UBA2: variants seen among roughly 807,000 people sequenced by gnomAD.
UBA2 encodes the protein ubiquitin like modifier activating enzyme 2, also known as SUMO-activating enzyme subunit 2.
A neutral mutation model predicts 77.2 loss-of-function variants in UBA2; 11 were observed. That is an observed-to-expected ratio of 0.14 (90% CI 0.09 to 0.24). The LOEUF (loss-of-function observed/expected upper bound fraction) is 0.24. Ranked by LOEUF, UBA2 falls within the 10% of genes least tolerant of loss-of-function variation. UBA2 has a pLI of 1.00. For synonymous variants in UBA2, 278 were observed against 276.7 expected (o/e 1.00, Z -0.05); for missense variants, 487 against 781.7 (o/e 0.62, Z 4.50).
At position 34,438,550 on chromosome 19, in the gene UBA2, A is replaced by G. The variant is rs905160342; in HGVS notation, c.460-95A>G. On this transcript the variant is annotated intron_variant, in intron 5 of 16. Coordinates refer to ENST00000246548, the MANE Select transcript of UBA2 (RefSeq NM_005499.3). Reference sequence around the variant, plus strand: ...AAATTTCCTTGACAACGTAAAACGTAGTTGGAATATAGATGAATGAAGTGT... The same window carrying G: ...AAATTTCCTTGACAACGTAAAACGTGGTTGGAATATAGATGAATGAAGTGT... 8 of 1,439,194 alleles carry G rather than the reference A, an allele frequency of 5.6e-6. No homozygotes were observed. In the African/African-American group the frequency reaches 1.0e-4, roughly 18 times the overall value. The allele number at this position is 1,439,194 out of a possible 1,614,324, so 89.2% of individuals were successfully genotyped here.
intron 12 of UBA2, among the ~76,000 whole-genome samples, chr19:34,456,640 C>T (rs1392070513): frequency 3.3e-5 from 5 of 151,976 alleles, no homozygotes; most frequent in African/African-American, 4.8e-5. Flanking sequence ...TCACTGCAAC[C>T]TCCACCTCCC....
intron 1 of UBA2, chr19:34,429,268 G>A (rs899565015): frequency 2.3e-5 from 23 of 984,734 alleles, no homozygotes; most frequent in Non-Finnish European, 2.5e-5. Flanking sequence ...TGTGCCTTTT[G>A]CATTGGTGTA....
intron 2 of UBA2, among the ~76,000 whole-genome samples, chr19:34,431,013 T>A (rs562210687): frequency 5.9e-5 from 9 of 152,246 alleles, no homozygotes; most frequent in Admixed American, 6.5e-5. Flanking sequence ...ACAAGACAGT[T>A]CCCCCGATCT....
intron 8 of UBA2, among the ~76,000 whole-genome samples, 164 bp downstream of exon 8, chr19:34,445,285 G>A (rs775070397): frequency 1.5e-4 from 23 of 151,914 alleles, no homozygotes; most frequent in Non-Finnish European, 2.8e-4. Flanking sequence ...GGATATGCAA[G>A]TTTTAAAATG....
chr19:34,449,447 A>G (rs1292328068), intron 8 of UBA2, among the ~76,000 whole-genome samples: 1 of 152,130 alleles, frequency 6.6e-6, no homozygotes, highest in Non-Finnish European at 1.5e-5. Flanking sequence ...TTCTCTATAA[A>G]GATTAAGGAT....
At chr19:34,464,448 C>T (rs1307122152) in intron 15 of UBA2, among the ~76,000 whole-genome samples, 2 of 151,758 alleles carry the variant, frequency 1.3e-5, no homozygotes, top group Non-Finnish European at 2.9e-5. Context: ...GTCCCAGCTA[C>T]TTGGGAGGCT....
At chr19:34,451,618 G>C (rs1264751137) in intron 9 of UBA2, among the ~76,000 whole-genome samples, 1 of 136,654 alleles carries the variant, frequency 7.3e-6, no homozygotes, top group Non-Finnish European at 1.5e-5. Flanking sequence ...CGCGATCTTG[G>C]CTCACTGCAA....
chr19:34,432,048 G>A, intron 3 of UBA2, 117 bp downstream of exon 3: 1 of 720,998 alleles, frequency 1.4e-6, no homozygotes, highest in Non-Finnish European at 2.2e-6. Flanking sequence ...ATTAAACAGT[G>A]GTGGTTTCTG....
intron 2 of UBA2, among the ~76,000 whole-genome samples, chr19:34,431,203 T>TCATAACAA (rs1343138186): frequency 6.7e-6 from 1 of 150,244 alleles, no homozygotes; most frequent in African/African-American, 2.4e-5. Context: ...GGTTTTTCTC[T>TCATAACAA]CATAACAACC....
At chr19:34,435,116 G>A in intron 5 of UBA2, 148 bp downstream of exon 5, 1 of 604,548 alleles carries the variant, frequency 1.7e-6, no homozygotes, top group Non-Finnish European at 2.8e-6. Flanking sequence ...TAAAATGCGG[G>A]GCCAGGTGCA....
intron 3 of UBA2, 92 bp downstream of exon 3, chr19:34,432,023 G>T: frequency 1.0e-6 from 1 of 978,564 alleles, no homozygotes; most frequent in South Asian, 1.6e-5. Context: ...TAAAAAAAAT[G>T]ATTTTTCTAG....
intron 5 of UBA2, among the ~76,000 whole-genome samples, chr19:34,436,585 C>T (rs956877814): frequency 1.3e-5 from 2 of 152,180 alleles, no homozygotes; most frequent in East Asian, 1.9e-4. Flanking sequence ...AGGTGTGAGC[C>T]GCCATGCCTG....
At chr19:34,460,669 A>T in intron 14 of UBA2, 103 bp downstream of exon 14, 2 of 803,482 alleles carry the variant, frequency 2.5e-6, no homozygotes, top group Non-Finnish European at 3.7e-6. Flanking sequence ...TATTGCAGAG[A>T]GTGGCAGTGT....
chr19:34,444,746 A>G (rs1033012425), intron 7 of UBA2, among the ~76,000 whole-genome samples: 2 of 152,188 alleles, frequency 1.3e-5, no homozygotes, highest in Non-Finnish European at 2.9e-5. Flanking sequence ...GGTAGAAGCT[A>G]CAGTGAGCCG....
intron 7 of UBA2, among the ~76,000 whole-genome samples, chr19:34,444,428 A>G (rs1330013573): frequency 3.3e-5 from 5 of 152,208 alleles, no homozygotes. Context: ...AAATTTCACA[A>G]GTCTAGTAAA....
intron 14 of UBA2, 53 bp from the exon 15 acceptor site, chr19:34,463,973 T>C: frequency 7.7e-7 from 1 of 1,305,390 alleles, no homozygotes; most frequent in Non-Finnish European, 1.1e-6. Flanking sequence ...AAAATCAACC[T>C]GACTGCTCTA....
chr19:34,458,995 C>G, intron 13 of UBA2, 71 bp downstream of exon 13: 7 of 1,432,506 alleles, frequency 4.9e-6, no homozygotes, highest in Non-Finnish European at 4.7e-6. Flanking sequence ...CAAACACTAG[C>G]TGCTGATTCT....
At chr19:34,464,193 T>C in intron 15 of UBA2, 62 bp downstream of exon 15, 2 of 1,174,662 alleles carry the variant, frequency 1.7e-6, no homozygotes, top group Non-Finnish European at 2.5e-6. Context: ...TTAGACAAAA[T>C]GAAGGAAAAG....
intron 16 of UBA2, 129 bp from the exon 17 acceptor site, chr19:34,468,911 T>C (rs1157476752): frequency 3.1e-5 from 21 of 674,832 alleles, no homozygotes; most frequent in Non-Finnish European, 4.8e-5. Flanking sequence ...ATGTGTAAAG[T>C]GAAAATGCAG....
Sources: gnomAD v4.1 joint callset for allele counts (sites outside exome capture counted in the v4.1 genomes callset) on GRCh38, gnomAD v4.1.1 for gene constraint, MANE v1.5 for transcripts, NCBI Gene and HGNC (gene_info 2026-07-23, HGNC 2026-07-21) for gene names.